Variants in PTPRT observed in about 807,000 individuals in gnomAD.
PTPRT encodes protein tyrosine phosphatase receptor type T, also known as receptor-type tyrosine-protein phosphatase T.
PTPRT carries 56 observed loss-of-function variants against 176.8 expected under a neutral mutation model. That is an observed-to-expected ratio of 0.32 (90% CI 0.26 to 0.40). The LOEUF (loss-of-function observed/expected upper bound fraction) is 0.40. Ranked by LOEUF, PTPRT falls within the 10% of genes least tolerant of loss-of-function variation. The pLI is 1.00. For synonymous variants in PTPRT, 783 were observed against 739.0 expected, an observed-to-expected ratio of 1.06 and a Z score of -0.96; for missense variants, 1,540 against 1,908.2, an observed-to-expected ratio of 0.81 and a Z score of 3.60.
intron 12 of PTPRT, among the ~76,000 whole-genome samples, chr20:42,298,994 TAATATA>T (rs2057423342): frequency 1.3e-5 from 2 of 151,858 alleles, no homozygotes; most frequent in South Asian, 4.2e-4. Flanking sequence ...ATTTATGAAA[TAATATA>T]AAGTGATACC....
At chr20:42,425,538 G>A (rs565887766) in intron 9 of PTPRT, among the ~76,000 whole-genome samples, 7 of 152,112 alleles carry the variant, frequency 4.6e-5, no homozygotes, top group African/African-American at 1.7e-4. Flanking sequence ...TAAGTTCTGG[G>A]GATCTAATCT....
At chr20:43,089,277 C>G (rs2011728032) in intron 1 of PTPRT, among the ~76,000 whole-genome samples, 1 of 152,190 alleles carries the variant, frequency 6.6e-6, no homozygotes. Context: ...TATTTAACCT[C>G]ATTCAACTTC....
At chr20:42,853,007 G>A (rs150552282) in intron 2 of PTPRT, among the ~76,000 whole-genome samples, 10 of 152,324 alleles carry the variant, frequency 6.6e-5, no homozygotes, top group Non-Finnish European at 1.0e-4. Context: ...AGGAGATGGG[G>A]ATGCTGAGAG....
chr20:42,982,700 C>T (rs1983349314), intron 1 of PTPRT, among the ~76,000 whole-genome samples: 1 of 152,142 alleles, frequency 6.6e-6, no homozygotes, highest in Non-Finnish European at 1.5e-5. Flanking sequence ...GCTTCCCCAG[C>T]CAAGGACCTG....
chr20:42,734,096 G>A (rs1391908975), intron 6 of PTPRT, among the ~76,000 whole-genome samples: 3 of 152,204 alleles, frequency 2.0e-5, no homozygotes, highest in Admixed American at 2.0e-4. Flanking sequence ...GAGCCAGCTT[G>A]TAGCTGTCAT....
chr20:42,318,269 G>A (rs1358422162), intron 11 of PTPRT, among the ~76,000 whole-genome samples: 2 of 152,160 alleles, frequency 1.3e-5, no homozygotes, highest in African/African-American at 4.8e-5. Flanking sequence ...TATCAGGACA[G>A]CTAAGCTCAA....
intron 6 of PTPRT, among the ~76,000 whole-genome samples, chr20:42,736,962 T>C (rs1236364577): frequency 6.6e-6 from 1 of 152,146 alleles, no homozygotes; most frequent in East Asian, 1.9e-4. Context: ...TCTGAATTCT[T>C]CAGAAGCAAA....
At chr20:42,874,193 G>A (rs890650422) in intron 2 of PTPRT, among the ~76,000 whole-genome samples, 1 of 152,096 alleles carries the variant, frequency 6.6e-6, no homozygotes, top group African/African-American at 2.4e-5. Flanking sequence ...TAAAGTTGAA[G>A]CAGCAGGAAA....
intron 7 of PTPRT, among the ~76,000 whole-genome samples, chr20:42,588,070 G>A (rs1416430546): frequency 6.6e-6 from 1 of 152,054 alleles, no homozygotes; most frequent in South Asian, 2.1e-4. Context: ...TGAATTATTG[G>A]TATAGGAACA....
chr20:43,168,784 A>G (rs544428209), intron 1 of PTPRT, among the ~76,000 whole-genome samples: 36 of 152,222 alleles, frequency 2.4e-4, no homozygotes, highest in African/African-American at 8.7e-4. Context: ...TTCCTCCTAC[A>G]TGCTCATCCC....
chr20:42,796,591 A>G (rs1225469328), intron 2 of PTPRT, among the ~76,000 whole-genome samples: 2 of 152,262 alleles, frequency 1.3e-5, no homozygotes, highest in African/African-American at 4.8e-5. Flanking sequence ...CGAGCTGTAC[A>G]GCCACAGAAG....
intron 7 of PTPRT, among the ~76,000 whole-genome samples, chr20:42,549,643 G>A (rs541356311): frequency 6.6e-6 from 1 of 152,284 alleles, no homozygotes; most frequent in South Asian, 2.1e-4. Context: ...TCCATGTGAA[G>A]AGGCACCTGT....
At chr20:42,420,901 G>C (rs2059112460) in intron 9 of PTPRT, among the ~76,000 whole-genome samples, 1 of 152,172 alleles carries the variant, frequency 6.6e-6, no homozygotes, top group Admixed American at 6.5e-5. Flanking sequence ...GTCAGTAGTT[G>C]AAGCAACCCA....
chr20:42,532,969 T>A (rs1051699850), intron 7 of PTPRT, among the ~76,000 whole-genome samples: 1 of 152,108 alleles, frequency 6.6e-6, no homozygotes, highest in Non-Finnish European at 1.5e-5. Context: ...ATCCCCACTC[T>A]TAATGCAGGG....
chr20:43,038,594 T>G (rs2146208891), intron 1 of PTPRT, among the ~76,000 whole-genome samples: 1 of 152,300 alleles, frequency 6.6e-6, no homozygotes, highest in Middle Eastern at 3.4e-3. Context: ...CATTCTAGAA[T>G]TTATAGCACA....
intron 1 of PTPRT, among the ~76,000 whole-genome samples, chr20:42,986,878 G>A (rs1983611761): frequency 6.6e-6 from 1 of 152,206 alleles, no homozygotes; most frequent in African/African-American, 2.4e-5. Context: ...GAACACCAGA[G>A]GCTGGGGACA....
chr20:42,220,543 C>T (rs940865613), intron 15 of PTPRT, among the ~76,000 whole-genome samples: 3 of 144,028 alleles, frequency 2.1e-5, no homozygotes, highest in East Asian at 2.0e-4. Flanking sequence ...ACCCTCTCTA[C>T]AAAAAAATAA....
intron 5 of PTPRT, among the ~76,000 whole-genome samples, chr20:42,763,056 C>G (rs557048974): frequency 6.6e-6 from 1 of 152,204 alleles, no homozygotes; most frequent in East Asian, 1.9e-4. Flanking sequence ...CTTCCACCCC[C>G]AGGCAAGACC....
intron 12 of PTPRT, 102 bp from the exon 13 acceptor site, chr20:42,282,627 A>G (rs1272620325): frequency 3.6e-5 from 31 of 859,306 alleles, no homozygotes; most frequent in Non-Finnish European, 5.3e-6. Context: ...ATATTCATGC[A>G]TATGTATTTT....
Sources: allele counts gnomAD v4.1 joint callset (sites outside exome capture counted in the v4.1 genomes callset), GRCh38; gene constraint gnomAD v4.1.1; transcripts MANE v1.5; gene names NCBI Gene and HGNC (gene_info 2026-07-23, HGNC 2026-07-21).